DSCAM: variants seen among roughly 807,000 people sequenced by gnomAD.
DSCAM encodes cell adhesion molecule DSCAM.
A neutral mutation model predicts 217.7 loss-of-function variants in DSCAM; 47 were observed. The ratio of observed to expected loss-of-function variants is 0.22; its 90% CI spans 0.17 to 0.28. The LOEUF is 0.28. Ranked by LOEUF, DSCAM falls within the 10% of genes least tolerant of loss-of-function variation. The probability of loss-of-function intolerance (pLI) is 1.00; values close to 1 mark genes in which losing one functional copy is unlikely to be tolerated. For missense variants in DSCAM, 2,080 were observed against 2,618.3 expected, an observed-to-expected ratio of 0.79 and a Z score of 4.49; for synonymous variants, 1,056 against 1,015.3, an observed-to-expected ratio of 1.04 and a Z score of -0.76.
At chr21:40,267,169 G>A (rs1443149978) in intron 11 of DSCAM, among the ~76,000 whole-genome samples, 1 of 146,888 alleles carries the variant, frequency 6.8e-6, no homozygotes, top group African/African-American at 2.6e-5. Flanking sequence ...TACCCCTAAA[G>A]CTATTGAAAT....
At chr21:40,243,607 C>T (rs753376822) in intron 11 of DSCAM, among the ~76,000 whole-genome samples, 3 of 152,096 alleles carry the variant, frequency 2.0e-5, no homozygotes, top group African/African-American at 4.8e-5. Context: ...GTGACTGCAC[C>T]GTTTGCTCCC....
intron 3 of DSCAM, among the ~76,000 whole-genome samples, chr21:40,378,475 T>C (rs2074985278): frequency 6.6e-6 from 1 of 151,118 alleles, no homozygotes; most frequent in Non-Finnish European, 1.5e-5. Context: ...TCAAAGATTA[T>C]CCTATGGAAA....
chr21:40,683,993 G>A (rs1200276924), intron 3 of DSCAM, among the ~76,000 whole-genome samples: 1 of 152,026 alleles, frequency 6.6e-6, no homozygotes, highest in East Asian at 1.9e-4. Flanking sequence ...TTGGGAGGCC[G>A]AGGCGGGCAG....
At chr21:40,627,003 C>T (rs916258409) in intron 3 of DSCAM, among the ~76,000 whole-genome samples, 1 of 152,140 alleles carries the variant, frequency 6.6e-6, no homozygotes, top group Non-Finnish European at 1.5e-5. Context: ...ATCTGGTTTC[C>T]ATATGCTCAG....
At chr21:40,666,094 T>G (rs985548790) in intron 3 of DSCAM, among the ~76,000 whole-genome samples, 1 of 152,160 alleles carries the variant, frequency 6.6e-6, no homozygotes, top group Non-Finnish European at 1.5e-5. Flanking sequence ...TGCCAACAAT[T>G]TAATGGTAAC....
chr21:40,422,993 A>G (rs2075439051), intron 3 of DSCAM, among the ~76,000 whole-genome samples: 1 of 152,216 alleles, frequency 6.6e-6, no homozygotes, highest in African/African-American at 2.4e-5. Context: ...ATCCAATGAA[A>G]TTAGTCCTGA....
intron 3 of DSCAM, among the ~76,000 whole-genome samples, chr21:40,485,001 G>GCTT (rs2076013016): frequency 6.6e-6 from 1 of 152,054 alleles, no homozygotes. Flanking sequence ...TGTCCTTGAA[G>GCTT]CTTCCTCCAG....
chr21:40,236,930 A>G (rs1218614936), intron 11 of DSCAM, among the ~76,000 whole-genome samples: 3 of 152,174 alleles, frequency 2.0e-5, no homozygotes, highest in Non-Finnish European at 2.9e-5. Flanking sequence ...ACAATGACTG[A>G]ACAACTGTCT....
intron 3 of DSCAM, chr21:40,383,507 GA>G (rs2075048382): frequency 6.6e-6 from 1 of 152,142 alleles, no homozygotes; most frequent in Non-Finnish European, 1.5e-5. Context: ...CTTTCAAAGG[GA>G]AAGCCACAGA....
intron 5 of DSCAM, among the ~76,000 whole-genome samples, chr21:40,351,444 C>G (rs1035913017): frequency 6.6e-6 from 1 of 152,154 alleles, no homozygotes; most frequent in African/African-American, 2.4e-5. Flanking sequence ...GGTTGACACA[C>G]TTGTCTGACA....
intron 31 of DSCAM, 27 bp from the exon 32 acceptor site, chr21:40,042,700 C>T (rs749024254): frequency 2.7e-4 from 426 of 1,566,660 alleles, no homozygotes; most frequent in Non-Finnish European, 3.6e-4. Context: ...AAAAACAAGA[C>T]GGACGACTCA....
intron 11 of DSCAM, among the ~76,000 whole-genome samples, chr21:40,211,025 G>A (rs76929397): frequency 0.012 from 1,897 of 152,252 alleles, 40 homozygotes; most frequent in African/African-American, 0.043. Context: ...TTTGCACCTG[G>A]CCCCATCCTA....
rs1438672217 is a variant in DSCAM at position 40,563,714 on chromosome 21, A to AGT, written c.508+129095_508+129096insAC. 9.2e-5 allele frequency among the ~76,000 whole-genome samples: 13 copies of AGT among 140,762 alleles called. No homozygotes were observed. In the South Asian group the frequency reaches 2.7e-3, roughly 29 times the overall value. The allele number at this position is 140,762 out of a possible 152,430, so 92.3% of individuals were successfully genotyped here. ...TATAGTTATATGTGTGTATATAGTT[A>AGT]TGTTTATATATGTTTATATGTTTAT... On this transcript the variant is annotated intron_variant, in intron 3 of 32. Coordinates refer to ENST00000400454, the MANE Select transcript of DSCAM (RefSeq NM_001389.5).
chr21:40,720,047 G>A (rs142056803), intron 1 of DSCAM, among the ~76,000 whole-genome samples: 41 of 152,280 alleles, frequency 2.7e-4, no homozygotes, highest in Middle Eastern at 3.4e-3. Context: ...ATTTTGAGAC[G>A]TTAACCAACA....
chr21:40,201,820 A>C (rs887175988), intron 11 of DSCAM, among the ~76,000 whole-genome samples: 11 of 152,230 alleles, frequency 7.2e-5, no homozygotes, highest in Non-Finnish European at 1.3e-4. Context: ...TAGTAAAAAA[A>C]TAAAGAAACA....
intron 11 of DSCAM, chr21:40,212,371 A>C: frequency 6.5e-6 from 1 of 154,242 alleles, no homozygotes; most frequent in Middle Eastern, 5.2e-4. Context: ...TTTAGATTGA[A>C]CATGAATTTA....
intron 3 of DSCAM, among the ~76,000 whole-genome samples, chr21:40,656,269 C>T (rs956549161): frequency 6.6e-6 from 1 of 152,100 alleles, no homozygotes; most frequent in Non-Finnish European, 1.5e-5. Context: ...CCTTTCTTAA[C>T]GTTTCCATTT....
Position 40,756,376 on chromosome 21 carries a change from C to T in DSCAM, c.44-47605G>A, listed in dbSNP as rs143019597. Reference sequence around the variant, plus strand: ...ACAGTGAGCCAATTAAACCTCTTTTCTTTATAAATTACTCAGTCTCTTTTT... The same window carrying T: ...ACAGTGAGCCAATTAAACCTCTTTTTTTTATAAATTACTCAGTCTCTTTTT... On this transcript the variant is annotated intron_variant, in intron 1 of 32. Coordinates refer to ENST00000400454, the MANE Select transcript of DSCAM (RefSeq NM_001389.5). Among the ~76,000 whole-genome samples the T allele has an allele frequency of 2.2e-3, 335 of 152,238 alleles. 7 individuals carry two copies. In the East Asian group the frequency reaches 0.059, roughly 27 times the overall value.
At chr21:40,700,651 C>A (rs144794942) in intron 2 of DSCAM, among the ~76,000 whole-genome samples, 1 of 151,548 alleles carries the variant, frequency 6.6e-6, no homozygotes, top group Non-Finnish European at 1.5e-5. Flanking sequence ...TAGGGTAATG[C>A]TAACTTCATA....
Sources: gnomAD v4.1 joint callset for allele counts (sites outside exome capture counted in the v4.1 genomes callset) on GRCh38, gnomAD v4.1.1 for gene constraint, MANE v1.5 for transcripts, NCBI Gene and HGNC (gene_info 2026-07-23, HGNC 2026-07-21) for gene names.